The following TSC22D1 variants were observed in gnomAD, a reference collection of about 807,000 sequenced individuals.
TSC22D1 encodes TSC22 domain family member 1.
A neutral mutation model predicts 74.2 loss-of-function variants in TSC22D1; 9 were observed. The observed-to-expected ratio is 0.12, with a 90% CI of 0.07 to 0.21. TSC22D1 has a LOEUF of 0.21. TSC22D1 is among the 10% of genes least tolerant of loss of function. The probability of loss-of-function intolerance (pLI) is 1.00; values close to 1 mark genes in which losing one functional copy is unlikely to be tolerated. For synonymous variants in TSC22D1, 586 were observed against 492.5 expected, an observed-to-expected ratio of 1.19 and a Z score of -2.51; for missense variants, 1,427 against 1,304.7, an observed-to-expected ratio of 1.09 and a Z score of -1.44.
At chr13:44,569,754 T>G (rs533057355) in intron 1 of TSC22D1, among the ~76,000 whole-genome samples, 4 of 152,218 alleles carry the variant, frequency 2.6e-5, no homozygotes, top group Non-Finnish European at 5.9e-5. Flanking sequence ...CTTTTCCATT[T>G]GTTGCATAAA....
intron 1 of TSC22D1, among the ~76,000 whole-genome samples, chr13:44,529,637 C>T (rs1880725309): frequency 6.6e-6 from 1 of 152,006 alleles, no homozygotes; most frequent in Non-Finnish European, 1.5e-5. Flanking sequence ...TGAAAAGGAA[C>T]AAATAAAACT....
intron 1 of TSC22D1, among the ~76,000 whole-genome samples, chr13:44,488,827 GAAAT>G (rs1413927060): frequency 6.6e-6 from 1 of 152,072 alleles, no homozygotes; most frequent in African/African-American, 2.4e-5. Context: ...TAAAGAGACT[GAAAT>G]AAACAGAGAA....
intron 1 of TSC22D1, among the ~76,000 whole-genome samples, chr13:44,486,882 A>C (rs1033165948): frequency 1.3e-5 from 2 of 152,200 alleles, no homozygotes; most frequent in Admixed American, 1.3e-4. Context: ...AACTTAAGAC[A>C]CTTAGAATGA....
At chr13:44,450,193 G>C (rs1318298555) in intron 1 of TSC22D1, among the ~76,000 whole-genome samples, 3 of 152,174 alleles carry the variant, frequency 2.0e-5, no homozygotes, top group Non-Finnish European at 2.9e-5. Context: ...AAAAAGGAAG[G>C]GCCAGGCAAA....
chr13:44,456,131 C>G (rs1056754810), intron 1 of TSC22D1, among the ~76,000 whole-genome samples: 1 of 152,144 alleles, frequency 6.6e-6, no homozygotes, highest in Non-Finnish European at 1.5e-5. Context: ...AGCCGTGGAC[C>G]CTCGCAGTGA....
At chr13:44,437,013 T>A in intron 1 of TSC22D1, 1 of 968,896 alleles carries the variant, frequency 1.0e-6, no homozygotes, top group South Asian at 4.9e-5. Context: ...ATTCTCCAGA[T>A]CCCGCTCGTG....
At position 44,574,905 on chromosome 13, in the gene TSC22D1, C is replaced by G. The variant is rs778006472; in HGVS notation, c.1170G>C (p.Gly390=). The part of the protein sequence containing the change: ...SVPNAAAGMT[G]GSVSSQQQQP... ...GTTGCTGCTGACTTGAAACCGATCCCCCAGTCATCCCTGCAGCTGCATTAG... is the reference window on the plus strand; with the variant it reads ...GTTGCTGCTGACTTGAAACCGATCCGCCAGTCATCCCTGCAGCTGCATTAG... The change falls in exon 1 of 3, where the codon GGG becomes GGC. Residue 390 remains glycine, a synonymous_variant. Coordinates refer to ENST00000458659, the MANE Select transcript of TSC22D1 (RefSeq NM_183422.4). The G allele has an allele frequency of 3.1e-6, 5 of 1,613,984 alleles. No individual in the cohort carries two copies. In the African/African-American group the frequency reaches 6.7e-5, roughly 22 times the overall value.
chr13:44,548,506 C>G (rs915976193), intron 1 of TSC22D1, among the ~76,000 whole-genome samples: 4 of 152,206 alleles, frequency 2.6e-5, no homozygotes, highest in African/African-American at 9.6e-5. Context: ...AAACATACAT[C>G]AATTGACAGT....
chr13:44,447,311 T>C (rs141052479), intron 1 of TSC22D1, among the ~76,000 whole-genome samples: 1,964 of 152,252 alleles, frequency 0.013, 21 homozygotes, highest in Non-Finnish European at 0.02. Flanking sequence ...TTTAAAACAT[T>C]TTAAACTAAA....
At chr13:44,471,720 G>A (rs766621769) in intron 1 of TSC22D1, among the ~76,000 whole-genome samples, 3 of 152,190 alleles carry the variant, frequency 2.0e-5, no homozygotes, top group Non-Finnish European at 2.9e-5. Context: ...AAATTGTTAA[G>A]TGATGACTAA....
chr13:44,549,827 G>C (rs1351084114), intron 1 of TSC22D1, among the ~76,000 whole-genome samples: 1 of 148,592 alleles, frequency 6.7e-6, no homozygotes, highest in Admixed American at 6.7e-5. Context: ...CAGCAAGCAA[G>C]CAACCAAGCT....
intron 1 of TSC22D1, among the ~76,000 whole-genome samples, chr13:44,443,824 A>C (rs1231269605): frequency 6.6e-6 from 1 of 152,260 alleles, no homozygotes; most frequent in Non-Finnish European, 1.5e-5. Context: ...ACACTATGAT[A>C]AGTTAAAGAT....
At chr13:44,551,956 T>C (rs1483689915) in intron 1 of TSC22D1, among the ~76,000 whole-genome samples, 1 of 152,198 alleles carries the variant, frequency 6.6e-6, no homozygotes, top group African/African-American at 2.4e-5. Context: ...TCACTCTTAT[T>C]TGGCACAGTA....
chr13:44,492,171 T>C (rs758261645), intron 1 of TSC22D1, among the ~76,000 whole-genome samples: 10 of 152,106 alleles, frequency 6.6e-5, no homozygotes, highest in South Asian at 2.1e-4. Context: ...TTAAAAATAC[T>C]GTCAGTCAAA....
chr13:44,562,595 G>GA (rs1449345910), intron 1 of TSC22D1, among the ~76,000 whole-genome samples: 1 of 151,962 alleles, frequency 6.6e-6, no homozygotes, highest in East Asian at 1.9e-4. Context: ...CAGTAGACAG[G>GA]AAAAAAATAA....
chr13:44,517,318 TAAAAAC>T (rs1182170164), intron 1 of TSC22D1, among the ~76,000 whole-genome samples: 2 of 139,670 alleles, frequency 1.4e-5, no homozygotes, highest in African/African-American at 5.3e-5. Flanking sequence ...ATCGTTACCG[TAAAAAC>T]AAAAACAAAA....
intron 1 of TSC22D1, among the ~76,000 whole-genome samples, chr13:44,491,291 C>T (rs1433523949): frequency 6.6e-5 from 10 of 152,128 alleles, no homozygotes; most frequent in South Asian, 2.1e-4. Context: ...CAGTGGCTCA[C>T]GCCTGTAATC....
chr13:44,434,137 TAC>T lies in TSC22D1; in HGVS notation c.*487_*488del, dbSNP rs1329104147. 1.9e-5 allele frequency: 29 copies of T among 1,498,462 alleles called. No individual in the cohort carries two copies. The highest frequency in any genetic ancestry group is 2.5e-5 in the Non-Finnish European group (28 of 1,137,042). The allele number at this position is 1,498,462 out of a possible 1,614,324, so 92.8% of individuals were successfully genotyped here. On this transcript the variant is annotated 3_prime_UTR_variant, in exon 3 of 3. Transcript: ENST00000458659. ...ATTTTGGTGACAGTTGTCAAATTTG[TAC>T]AGTGAACTCTGTTCCCCCTCATTTT...
intron 1 of TSC22D1, among the ~76,000 whole-genome samples, chr13:44,472,427 C>T (rs1171449296): frequency 2.0e-5 from 3 of 152,140 alleles, no homozygotes; most frequent in Non-Finnish European, 4.4e-5. Flanking sequence ...ATCCTTCAGA[C>T]ACTCTCAACC....
Sources: allele counts gnomAD v4.1 joint callset (sites outside exome capture counted in the v4.1 genomes callset), GRCh38; gene constraint gnomAD v4.1.1; transcripts MANE v1.5; gene names NCBI Gene and HGNC (gene_info 2026-07-23, HGNC 2026-07-21).